Variants in DNAI3 observed in about 807,000 individuals in gnomAD.
DNAI3 encodes dynein axonemal intermediate chain 3.
A neutral mutation model predicts 115.5 loss-of-function variants in DNAI3; 83 were observed. That is an observed-to-expected ratio of 0.72 (90% CI 0.60 to 0.86). The LOEUF (loss-of-function observed/expected upper bound fraction) is 0.86. DNAI3 is among the 40% of genes least tolerant of loss of function. The pLI is 0.00. For missense variants in DNAI3, 1,004 were observed against 1,075.8 expected, an observed-to-expected ratio of 0.93 and a Z score of 0.93; for synonymous variants, 320 against 347.0, an observed-to-expected ratio of 0.92 and a Z score of 0.86.
At position 85,085,956 on chromosome 1, in the gene DNAI3, C is replaced by T; in HGVS notation, c.666C>T (p.Thr222=). 1 of 1,614,080 alleles carries T rather than the reference C, an allele frequency of 6.2e-7. No homozygotes were observed. Among genetic ancestry groups the T allele is most frequent in the East Asian group, 2.2e-5 (1 of 44,864 alleles). ...ECTAYPDKNF[T]LKQLEKDVGM... is the part of the protein sequence containing the mutation. ...CAGCCTACCCAGATAAAAATTTTAC[C>T]CTTAAACAACTTGAAAAAGATGTTG... The change falls in exon 7 of 23, where the codon ACC becomes ACT. Residue 222 remains threonine (T), a synonymous_variant. Coordinates refer to ENST00000294664, the MANE Select transcript of DNAI3 (RefSeq NM_145172.5).
intron 3 of DNAI3, among the ~76,000 whole-genome samples, chr1:85,078,990 A>T (rs7522343): frequency 1.7e-4 from 26 of 152,072 alleles, no homozygotes; most frequent in African/African-American, 5.8e-4. Flanking sequence ...ACAATCTTTG[A>T]TGCTGTCTTT....
chr1:85,133,091 C>A lies in DNAI3; in HGVS notation c.*93C>A. Reference sequence around the variant, plus strand: ...CATGCTGAACATATATATATATAGGCTCATTTATAGACTTTTATTTCCCTG... The same window carrying A: ...CATGCTGAACATATATATATATAGGATCATTTATAGACTTTTATTTCCCTG... On this transcript the variant is annotated 3_prime_UTR_variant, in exon 23 of 23. Coordinates refer to ENST00000294664, the MANE Select transcript of DNAI3 (RefSeq NM_145172.5). 1 of 1,299,654 alleles carries A rather than the reference C, an allele frequency of 7.7e-7. No homozygotes were observed. Among genetic ancestry groups the A allele is most frequent in the Non-Finnish European group, 1.0e-6 (1 of 977,982 alleles). The allele number at this position is 1,299,654 out of a possible 1,614,324, so 80.5% of individuals were successfully genotyped here. A position where few individuals can be genotyped will look rare whatever the true frequency, so the allele number is the denominator to read the frequency against.
intron 7 of DNAI3, among the ~76,000 whole-genome samples, chr1:85,087,792 C>T (rs772027091): frequency 6.6e-6 from 1 of 152,128 alleles, no homozygotes; most frequent in Non-Finnish European, 1.5e-5. Flanking sequence ...CTATGAAATA[C>T]ACAGTGAGAC....
At chr1:85,102,105 G>C (rs1038326516) in intron 13 of DNAI3, among the ~76,000 whole-genome samples, 3 of 152,112 alleles carry the variant, frequency 2.0e-5, no homozygotes, top group Non-Finnish European at 4.4e-5. Flanking sequence ...CAAATATACA[G>C]TTAGATAGAA....
chr1:85,126,688 A>G lies in DNAI3; in HGVS notation c.2290A>G (p.Thr764Ala), dbSNP rs1656153542. 1 of 1,614,136 alleles carries G rather than the reference A, an allele frequency of 6.2e-7. No individual in the cohort carries two copies. The highest frequency in any genetic ancestry group is 2.2e-5 in the East Asian group (1 of 44,880). The change falls in exon 20 of 23, where the codon ACC becomes GCC. Residue 764 changes from threonine to alanine, a missense_variant. Physicochemically the swap from Thr to Ala is moderately conservative, Grantham distance 58. This residue lies in a region of DNAI3 where 429 missense variants were observed against 454.3 expected (regional missense o/e 0.94). Coordinates refer to ENST00000294664, the MANE Select transcript of DNAI3 (RefSeq NM_145172.5). ...QSQNICITMITYIKPWIFSSK... is the reference protein window; with the variant it reads ...QSQNICITMIAYIKPWIFSSK... Reference sequence around the variant, plus strand: ...TCAAAACATTTGCATAACTATGATCACCTACATCAAACCCTGGATCTTTTC... The same window carrying G: ...TCAAAACATTTGCATAACTATGATCGCCTACATCAAACCCTGGATCTTTTC...
chr1:85,063,579 G>T (rs1654005389), intron 1 of DNAI3, among the ~76,000 whole-genome samples: 1 of 152,188 alleles, frequency 6.6e-6, no homozygotes, highest in South Asian at 2.1e-4. Context: ...GGAGTCCCAG[G>T]CTCAACCCAG....
intron 13 of DNAI3, 151 bp downstream of exon 13, chr1:85,098,809 G>C: frequency 8.8e-7 from 1 of 1,142,752 alleles, no homozygotes; most frequent in Non-Finnish European, 1.2e-6. Flanking sequence ...ACTGTTGCCA[G>C]ACCAGTATCT....
At chr1:85,087,584 G>A (rs1654838962) in intron 7 of DNAI3, among the ~76,000 whole-genome samples, 1 of 151,808 alleles carries the variant, frequency 6.6e-6, no homozygotes, top group Admixed American at 6.6e-5. Context: ...CTCTGCCCTT[G>A]GAATTTAAGC....
At chr1:85,100,556 A>T (rs1257661608) in intron 13 of DNAI3, among the ~76,000 whole-genome samples, 4 of 152,122 alleles carry the variant, frequency 2.6e-5, no homozygotes, top group African/African-American at 9.7e-5. Flanking sequence ...ATTGTGGAAG[A>T]CAGTGTGGCG....
intron 17 of DNAI3, among the ~76,000 whole-genome samples, chr1:85,119,875 T>A (rs1655940064): frequency 1.3e-5 from 2 of 152,148 alleles, no homozygotes; most frequent in Non-Finnish European, 2.9e-5. Flanking sequence ...TTTTTTTGTA[T>A]TTTTAGTAAA....
At chr1:85,092,017 C>T (rs1654991872) in intron 8 of DNAI3, among the ~76,000 whole-genome samples, 1 of 152,196 alleles carries the variant, frequency 6.6e-6, no homozygotes, top group Non-Finnish European at 1.5e-5. Flanking sequence ...CTTACTAATG[C>T]TTCTACTGGA....
At chr1:85,128,142 A>G (rs1448304817) in intron 20 of DNAI3, among the ~76,000 whole-genome samples, 17 of 143,480 alleles carry the variant, frequency 1.2e-4, no homozygotes, top group African/African-American at 4.6e-4. Flanking sequence ...AAAAAAAAAA[A>G]AAAAAAAAGA....
chr1:85,092,911 C>T (rs1655022258), intron 8 of DNAI3, among the ~76,000 whole-genome samples: 2 of 151,958 alleles, frequency 1.3e-5, no homozygotes, highest in Admixed American at 6.6e-5. Flanking sequence ...TGGGGCTATC[C>T]TGTTAAGGAT....
At chr1:85,074,699 C>G (rs1654396903) in intron 3 of DNAI3, among the ~76,000 whole-genome samples, 1 of 152,196 alleles carries the variant, frequency 6.6e-6, no homozygotes, top group Non-Finnish European at 1.5e-5. Flanking sequence ...CCTTTGAATA[C>G]TGAATTAGCC....
intron 14 of DNAI3, 28 bp from the exon 15 acceptor site, chr1:85,108,005 A>G (rs757826607): frequency 3.5e-6 from 5 of 1,430,012 alleles, no homozygotes; most frequent in Non-Finnish European, 4.6e-6. Context: ...TTTGTACTTA[A>G]TAAAAAATAT....
intron 13 of DNAI3, among the ~76,000 whole-genome samples, chr1:85,100,757 A>G (rs1217115482): frequency 6.6e-6 from 1 of 152,238 alleles, no homozygotes; most frequent in East Asian, 1.9e-4. Context: ...GATTAAGAAA[A>G]TGTGGCACAT....
intron 19 of DNAI3, among the ~76,000 whole-genome samples, chr1:85,124,964 G>A (rs1015544621): frequency 1.3e-5 from 2 of 152,182 alleles, no homozygotes; most frequent in Non-Finnish European, 2.9e-5. Flanking sequence ...GAAAGTGGGA[G>A]TGAATAAGCT....
At chr1:85,111,798 T>C (rs1365674850) in intron 16 of DNAI3, among the ~76,000 whole-genome samples, 1 of 152,182 alleles carries the variant, frequency 6.6e-6, no homozygotes, top group African/African-American at 2.4e-5. Context: ...TGAGGTATAA[T>C]TGACATACAA....
At chr1:85,129,499 C>T (rs911978240) in intron 21 of DNAI3, among the ~76,000 whole-genome samples, 3 of 150,292 alleles carry the variant, frequency 2.0e-5, no homozygotes, top group Admixed American at 2.0e-4. Context: ...GAATTCAGCT[C>T]TGCTTCCAGT....
Sources: allele counts gnomAD v4.1 joint callset (sites outside exome capture counted in the v4.1 genomes callset), GRCh38; gene constraint gnomAD v4.1.1; regional missense constraint gnomAD v4.1.1; transcripts MANE v1.5; gene names NCBI Gene and HGNC (gene_info 2026-07-23, HGNC 2026-07-21).